POU2F2: variants seen among roughly 807,000 people sequenced by gnomAD.
POU2F2 encodes the protein POU domain, class 2, transcription factor 2.
In POU2F2, 14 loss-of-function variants were observed where a neutral mutation model predicts 63.5. That is an observed-to-expected ratio of 0.22 (90% confidence interval 0.15 to 0.34). The LOEUF is 0.34. POU2F2 is among the 10% of genes least tolerant of loss of function. The pLI, the probability that POU2F2 is intolerant of heterozygous loss-of-function variation, is 1.00. For synonymous variants in POU2F2, 306 were observed against 348.6 expected (o/e 0.88, Z 1.36); for missense variants, 607 against 815.2 (o/e 0.74, Z 3.11).
intron 1 of POU2F2, among the ~76,000 whole-genome samples, chr19:42,126,392 G>A (rs944988911): frequency 2.6e-5 from 4 of 151,274 alleles, no homozygotes; most frequent in Admixed American, 6.6e-5. Context: ...GCAGGCAGCC[G>A]AGATCGTGCC....
intron 1 of POU2F2, 87 bp from the exon 2 acceptor site, chr19:42,122,663 C>T: frequency 7.9e-7 from 1 of 1,269,296 alleles, no homozygotes; most frequent in Non-Finnish European, 1.1e-6. Context: ...CTCCCCAAGC[C>T]TTTCCCCCAA....
upstream of POU2F2, among the ~76,000 whole-genome samples, chr19:42,180,550 A>C (rs556327219): frequency 6.6e-6 from 1 of 152,140 alleles, no homozygotes; most frequent in African/African-American, 2.4e-5. Context: ...CTAGAAGGGA[A>C]GCAGGGACAG....
Position 42,095,885 on chromosome 19 carries a change from G to A in POU2F2, c.774C>T (p.Phe258=). Residue 258 remains phenylalanine, a synonymous_variant, in exon 9 of 15, where the codon TTC becomes TTT. Transcript: ENST00000692977. The surrounding 1 kb of genome is among the most constrained non-coding windows in gnomAD (Gnocchi z 7.1). ...LAMGKLYGND[F]SQTTISRFEA... is the part of the protein sequence containing the mutation. ...CGAAGCGGGAAATGGTCGTCTGGCT[G>A]AAGTCGTTGCCGTAGAGCTTGCCCA... 6.2e-7 allele frequency: 1 copy of A among 1,614,034 alleles called. No individual in the cohort carries two copies. The highest frequency in any genetic ancestry group is 8.5e-7 in the Non-Finnish European group (1 of 1,179,904).
Position 42,093,866 on chromosome 19 carries a change from T to G in POU2F2, c.1227A>C (p.Leu409Phe). ...MVTPQGGAGT[L>F]PLSQASSSLS... ...GACTGCTGGAAGCTTGGGACAACGG[T>G]AAGGTCCCCGCGCCCCCTTGGGGTG... The change falls in exon 12 of 15, where the codon TTA (leucine) becomes TTC (phenylalanine). Residue 409 changes from leucine to phenylalanine, a missense_variant. By Grantham distance (22) the Leu-to-Phe change is conservative (BLOSUM62 0). This residue lies in a region of POU2F2 where 270 missense variants were observed against 307.5 expected (regional missense o/e 0.88). Transcript: ENST00000692977. 1 of 1,612,116 alleles carries G rather than the reference T, an allele frequency of 6.2e-7. No homozygotes were observed. Among genetic ancestry groups the G allele is most frequent in the Non-Finnish European group, 8.5e-7 (1 of 1,178,564 alleles).
intron 1 of POU2F2, among the ~76,000 whole-genome samples, chr19:42,194,225 A>T (rs553343521): frequency 2.0e-5 from 3 of 151,084 alleles, no homozygotes; most frequent in African/African-American, 7.3e-5. Context: ...TCTACAAAAA[A>T]AATAATAATA....
At chr19:42,180,514 G>A (rs1028206993), upstream of POU2F2, among the ~76,000 whole-genome samples, 4 of 152,122 alleles carry the variant, frequency 2.6e-5, no homozygotes, top group Non-Finnish European at 4.4e-5. Context: ...AGACCTAGGA[G>A]GAGCTATGGA....
intron 2 of POU2F2, among the ~76,000 whole-genome samples, chr19:42,148,496 G>A (rs1197147589): frequency 1.3e-5 from 2 of 152,144 alleles, no homozygotes; most frequent in Non-Finnish European, 2.9e-5. Context: ...AGGTAGCTGT[G>A]AGGCCAGAGG....
chr19:42,182,782 G>C (rs2034976659), intron 1 of POU2F2, among the ~76,000 whole-genome samples: 1 of 152,158 alleles, frequency 6.6e-6, no homozygotes, highest in African/African-American at 2.4e-5. Flanking sequence ...GGAGTCATCT[G>C]AAGTGGGTAG....
At chr19:42,118,545 G>A (rs566917436) in intron 4 of POU2F2, among the ~76,000 whole-genome samples, 3 of 152,384 alleles carry the variant, frequency 2.0e-5, no homozygotes, top group East Asian at 3.9e-4. Context: ...GAAATACCAG[G>A]CTTCAGCCTC....
intron 2 of POU2F2, among the ~76,000 whole-genome samples, chr19:42,151,621 TG>T (rs1356567384): frequency 6.6e-6 from 1 of 151,008 alleles, no homozygotes; most frequent in East Asian, 1.9e-4. Flanking sequence ...CGGATGGGGG[TG>T]GGGGGAAACT....
intron 1 of POU2F2, among the ~76,000 whole-genome samples, chr19:42,160,616 G>A (rs977003933): frequency 6.6e-6 from 1 of 152,180 alleles, no homozygotes; most frequent in Non-Finnish European, 1.5e-5. Context: ...TCATAAATGG[G>A]CATACTAGTG....
intron 2 of POU2F2, among the ~76,000 whole-genome samples, chr19:42,158,590 C>T (rs1236075336): frequency 6.6e-6 from 1 of 152,214 alleles, no homozygotes; most frequent in Non-Finnish European, 1.5e-5. Flanking sequence ...GTGCCCAGAA[C>T]AGGCCCTTGC....
chr19:42,093,876 G>T lies in POU2F2; in HGVS notation c.1217C>A (p.Ala406Glu). ...SPHMVTPQGG[A>E]GTLPLSQASS... ...AGCTTGGGACAACGGTAAGGTCCCC[G>T]CGCCCCCTTGGGGTGTGACCTGAGG... Residue 406 changes from alanine to glutamate, a missense_variant, in exon 12 of 15, where the codon GCG becomes GAG. By Grantham distance (107) the Ala-to-Glu change is moderately radical. Around this residue, in one of 7 missense-constraint regions of POU2F2, gnomAD observed 270 missense variants for 307.5 expected, o/e 0.88. Transcript: ENST00000692977. The T allele has an allele frequency of 2.5e-6, 4 of 1,611,910 alleles. No homozygotes were observed. The highest frequency in any genetic ancestry group is 2.5e-6 in the Non-Finnish European group (3 of 1,178,392).
At chr19:42,187,530 G>A (rs2146822287) in intron 1 of POU2F2, among the ~76,000 whole-genome samples, 1 of 151,252 alleles carries the variant, frequency 6.6e-6, no homozygotes, top group Non-Finnish European at 1.5e-5. Context: ...GGGAGGCCAA[G>A]GCAGGCAGAT....
chr19:42,116,683 G>A (rs896738654), intron 5 of POU2F2: 13 of 308,742 alleles, frequency 4.2e-5, no homozygotes, highest in African/African-American at 1.6e-4. Flanking sequence ...ACTGCAGGGA[G>A]CCTGGTCCCC....
At chr19:42,142,725 G>A (rs1009152387) in intron 2 of POU2F2, among the ~76,000 whole-genome samples, 8 of 151,972 alleles carry the variant, frequency 5.3e-5, no homozygotes, top group African/African-American at 1.9e-4. Context: ...ACCACACCCA[G>A]CTAAGTTTTG....
At chr19:42,121,351 C>T (rs2032587241) in intron 4 of POU2F2, among the ~76,000 whole-genome samples, 1 of 152,186 alleles carries the variant, frequency 6.6e-6, no homozygotes, top group Admixed American at 6.5e-5. Context: ...GACATGGAGG[C>T]AACCACAGAG....
At chr19:42,133,147 C>G (rs984485239), upstream of POU2F2, 1 of 152,258 alleles carries the variant, frequency 6.6e-6, no homozygotes, top group Non-Finnish European at 1.5e-5. This position sits in a 1 kb window ranked among gnomAD's most constrained non-coding sequence, Gnocchi z 5.1. Context: ...TGCGGGCGCC[C>G]GAGGCGGCTC....
chr19:42,124,839 A>G (rs527328586), intron 1 of POU2F2, among the ~76,000 whole-genome samples: 2 of 152,352 alleles, frequency 1.3e-5, no homozygotes, highest in East Asian at 3.9e-4. Flanking sequence ...GATTCCAATT[A>G]CAGGAAATTC....
Sources: gnomAD v4.1 joint callset for allele counts (sites outside exome capture counted in the v4.1 genomes callset) on GRCh38, gnomAD v4.1.1 for gene constraint, gnomAD v4.1.1 regional missense constraint, Gnocchi (gnomAD v3.1) non-coding constraint, MANE v1.5 for transcripts, NCBI Gene and HGNC (gene_info 2026-07-23, HGNC 2026-07-21) for gene names.